NOL4L: variants seen among roughly 807,000 people sequenced by gnomAD.
NOL4L encodes nucleolar protein 4-like.
In NOL4L, 7 loss-of-function variants were observed where a neutral mutation model predicts 64.5. The ratio of observed to expected loss-of-function variants is 0.11; its 90% CI spans 0.06 to 0.20. The LOEUF is 0.20. NOL4L is among the 10% of genes least tolerant of loss of function. NOL4L has a pLI of 1.00. For synonymous variants in NOL4L, 413 were observed against 401.0 expected (o/e 1.03, Z -0.36); for missense variants, 680 against 967.1 (o/e 0.70, Z 3.94).
At chr20:32,531,345 G>C (rs77588107) in intron 1 of NOL4L, among the ~76,000 whole-genome samples, 1 of 151,934 alleles carries the variant, frequency 6.6e-6, no homozygotes, top group East Asian at 1.9e-4. Context: ...GGGGCCTTAG[G>C]TGGGTTACTT....
At position 32,463,507 on chromosome 20, in the gene NOL4L, A is replaced by G. The variant is rs1159409455; in HGVS notation, c.842-7112T>C. On this transcript the variant is annotated intron_variant, in intron 5 of 10. Transcript: ENST00000621426. This position sits in a 1 kb window ranked among gnomAD's most constrained non-coding sequence, Gnocchi z 5.8. ...AAACCAGGCCCTCCCCACTGTGGCA[A>G]AGGGCGACTCCTTCATCTGGGCAGG... Among the ~76,000 whole-genome samples, 1 of 152,174 alleles carries G rather than the reference A, an allele frequency of 6.6e-6. No individual in the cohort carries two copies. Among genetic ancestry groups the G allele is most frequent in the East Asian group, 1.9e-4 (1 of 5,186 alleles).
chr20:32,480,268 G>C (rs1230093579), intron 4 of NOL4L, among the ~76,000 whole-genome samples: 1 of 152,184 alleles, frequency 6.6e-6, no homozygotes, highest in Non-Finnish European at 1.5e-5. Context: ...GCTTGAGAAA[G>C]AAAAGGAGGA....
At chr20:32,488,805 T>TTCTCTCTCTTTCTTTC (rs56182517) in intron 4 of NOL4L, among the ~76,000 whole-genome samples, 1 of 30,186 alleles carries the variant, frequency 3.3e-5, no homozygotes, top group Non-Finnish European at 6.0e-5. Context: ...CTTTCTTTCT[T>TTCTCTCTCTTTCTTTC]TTTCTTTCTT....
chr20:32,538,730 C>G (rs1463245204), intron 1 of NOL4L, among the ~76,000 whole-genome samples: 2 of 152,180 alleles, frequency 1.3e-5, no homozygotes, highest in Non-Finnish European at 2.9e-5. Context: ...GCAGAGCTGC[C>G]TAAATTTGGC....
intron 1 of NOL4L, among the ~76,000 whole-genome samples, chr20:32,576,002 T>G (rs915894050): frequency 2.6e-5 from 4 of 152,222 alleles, no homozygotes; most frequent in East Asian, 1.9e-4. Flanking sequence ...GTTTGGAGAA[T>G]AGCAAACAGG....
rs1249119338 is a variant in NOL4L, at chr20:32,471,821, T to G, written c.841+2780A>C. Among the ~76,000 whole-genome samples, 6 of 152,244 alleles carry G rather than the reference T, an allele frequency of 3.9e-5. No individual in the cohort carries two copies. The East Asian group carries it at 1.2e-3, about 29-fold the overall frequency. On this transcript the variant is annotated intron_variant, in intron 5 of 10. Coordinates refer to ENST00000621426, the MANE Select transcript of NOL4L (RefSeq NM_001256798.2). ...AAGAGCCTGGTACCTCCTCCCTCTC[T>G]CTTGCTCCCTCTCTCACCATGAGAC...
At chr20:32,569,183 G>T (rs1311103094) in intron 1 of NOL4L, among the ~76,000 whole-genome samples, 1 of 152,142 alleles carries the variant, frequency 6.6e-6, no homozygotes. Context: ...CAATCAGGGA[G>T]GGCCTCCCTG....
At position 32,463,319 on chromosome 20, in the gene NOL4L, G is replaced by C. The variant is rs1367770453; in HGVS notation, c.842-6924C>G. ...GGTCCCCATCTTGCTGCTTCCATGA[G>C]GCCCCTCCAGGAGGGTCACCCTTGA... On this transcript the variant is annotated intron_variant, in intron 5 of 10. Transcript: ENST00000621426. This position sits in a 1 kb window ranked among gnomAD's most constrained non-coding sequence, Gnocchi z 5.8. Among the ~76,000 whole-genome samples, 1 of 152,172 alleles carries C rather than the reference G, an allele frequency of 6.6e-6. No homozygotes were observed. Among genetic ancestry groups the C allele is most frequent in the Non-Finnish European group, 1.5e-5 (1 of 68,006 alleles).
chr20:32,533,019 C>T (rs1030429763), intron 1 of NOL4L, among the ~76,000 whole-genome samples: 7 of 152,158 alleles, frequency 4.6e-5, no homozygotes, highest in Non-Finnish European at 7.3e-5. Context: ...GGCATGGTGG[C>T]GCATGCCTGT....
At chr20:32,483,467 C>T in intron 4 of NOL4L, 1 of 991,586 alleles carries the variant, frequency 1.0e-6, no homozygotes, top group Non-Finnish European at 1.2e-6. Context: ...CTGCTGCCGC[C>T]GCGGCTGCCC....
At chr20:32,568,464 C>T (rs900786094) in intron 1 of NOL4L, among the ~76,000 whole-genome samples, 8 of 151,974 alleles carry the variant, frequency 5.3e-5, no homozygotes, top group African/African-American at 1.9e-4. Flanking sequence ...GAGCCTACAG[C>T]CTCCCTGGAC....
At chr20:32,520,976 G>T (rs1484793389) in intron 2 of NOL4L, 54 bp from the exon 3 acceptor site, 2 of 1,232,324 alleles carry the variant, frequency 1.6e-6, no homozygotes, top group Non-Finnish European at 1.1e-6. Context: ...AGGCAACTTG[G>T]CCATGGGGTC....
chr20:32,535,274 G>GA (rs34876681), intron 1 of NOL4L, among the ~76,000 whole-genome samples: 5,163 of 123,286 alleles, frequency 0.042, 245 homozygotes, highest in African/African-American at 0.12. Flanking sequence ...ACTGGAAATT[G>GA]AAAAAAAAAA....
Position 32,452,941 on chromosome 20 carries a change from C to G in NOL4L, c.1563G>C (p.Glu521Asp). The G allele has an allele frequency of 6.2e-7, 1 of 1,614,110 alleles. No individual in the cohort carries two copies. The highest frequency in any genetic ancestry group is 8.5e-7 in the Non-Finnish European group (1 of 1,180,044). ...MAENILAAACESETRKAAKRM... is the reference protein window; with the variant it reads ...MAENILAAACDSETRKAAKRM... ...GCTTGGCTGCCTTTCTTGTCTCGCTCTCACAGGCAGCTGCCAGGATGTTTT... is the reference window on the plus strand; with the variant it reads ...GCTTGGCTGCCTTTCTTGTCTCGCTGTCACAGGCAGCTGCCAGGATGTTTT... The change falls in exon 9 of 11, where the codon GAG (glutamate) becomes GAC (aspartate). Residue 521 changes from glutamate to aspartate, a missense_variant. Physicochemically the swap from Glu to Asp is conservative, Grantham distance 45. This residue lies in a region of NOL4L where 175 missense variants were observed against 227.0 expected (regional missense o/e 0.77). Coordinates refer to ENST00000621426, the MANE Select transcript of NOL4L (RefSeq NM_001256798.2).
intron 1 of NOL4L, among the ~76,000 whole-genome samples, chr20:32,532,948 G>GC (rs1341943357): frequency 6.6e-6 from 1 of 152,168 alleles, no homozygotes; most frequent in Non-Finnish European, 1.5e-5. Context: ...CAAACAGCCT[G>GC]CCAGAGCCAG....
At chr20:32,492,228 A>G (rs1600748701) in intron 4 of NOL4L, among the ~76,000 whole-genome samples, 1 of 152,180 alleles carries the variant, frequency 6.6e-6, no homozygotes, top group African/African-American at 2.4e-5. Context: ...GGCCCCCCAT[A>G]CCATGAAATA....
chr20:32,584,538 G>T, intron 1 of NOL4L, 32 bp downstream of exon 1: 1 of 1,312,338 alleles, frequency 7.6e-7, no homozygotes, highest in Non-Finnish European at 9.8e-7. Context: ...CCCGCGGCGG[G>T]ACCCGCCCGC....
chr20:32,571,887 C>T (rs542970765), intron 1 of NOL4L, among the ~76,000 whole-genome samples: 18 of 152,346 alleles, frequency 1.2e-4, no homozygotes, highest in African/African-American at 3.8e-4. Context: ...GAGTGGCCAG[C>T]GGTTGGCTGT....
intron 5 of NOL4L, among the ~76,000 whole-genome samples, chr20:32,458,044 C>T (rs996075714): frequency 1.3e-5 from 2 of 152,188 alleles, no homozygotes; most frequent in Non-Finnish European, 2.9e-5. Context: ...AATGGGGGTG[C>T]CCACTTTCCT....
Sources: gnomAD v4.1 joint callset for allele counts (sites outside exome capture counted in the v4.1 genomes callset) on GRCh38, gnomAD v4.1.1 for gene constraint, gnomAD v4.1.1 regional missense constraint, Gnocchi (gnomAD v3.1) non-coding constraint, MANE v1.5 for transcripts, NCBI Gene and HGNC (gene_info 2026-07-23, HGNC 2026-07-21) for gene names.